Variants in LTBR observed in about 807,000 individuals in gnomAD.
LTBR encodes lymphotoxin beta receptor.
In LTBR, 15 loss-of-function variants were observed where a neutral mutation model predicts 45.4. The ratio of observed to expected loss-of-function variants is 0.33; its 90% confidence interval spans 0.22 to 0.51. The LOEUF is 0.51. LTBR is among the 20% of genes least tolerant of loss of function. The pLI is 0.97. For synonymous variants in LTBR, 228 were observed against 231.0 expected (o/e 0.99, Z 0.12); for missense variants, 450 against 565.5 (o/e 0.80, Z 2.07).
At chr12:6,383,765 T>A (rs752303855), upstream of LTBR, among the ~76,000 whole-genome samples, 49 of 152,188 alleles carry the variant, frequency 3.2e-4, no homozygotes, top group Non-Finnish European at 5.4e-4. Context: ...TTCTCCTCGG[T>A]CTCAGAGCTG....
intron 1 of LTBR, chr12:6,377,520 C>T (rs993663776): frequency 1.4e-6 from 1 of 716,176 alleles, no homozygotes; most frequent in Non-Finnish European, 2.3e-6. Flanking sequence ...GCCTCCCTCA[C>T]TCCCACACAG....
chr12:6,381,912 T>C (rs3759332), upstream of LTBR, among the ~76,000 whole-genome samples: 64,263 of 151,876 alleles, frequency 0.42, 14,032 homozygotes, highest in South Asian at 0.5. Context: ...GCAGAGGTTG[T>C]AGTGAGCCGA....
chr12:6,389,018 T>C, intron 8 of LTBR, 193 bp downstream of exon 8: 1 of 598,176 alleles, frequency 1.7e-6, no homozygotes, highest in Non-Finnish European at 3.0e-6. Flanking sequence ...ACACAGTACC[T>C]CATTTCCTGG....
intron 1 of LTBR, chr12:6,377,283 A>T: frequency 6.5e-7 from 1 of 1,550,292 alleles, no homozygotes; most frequent in Non-Finnish European, 8.7e-7. Flanking sequence ...TCCCCTTGGA[A>T]GGGACAGCTG....
rs1949093271 is a variant in LTBR at position 6,390,053 on chromosome 12, G to A, written c.802-59G>A. On this transcript the variant is annotated intron_variant, in intron 8 of 9. Coordinates refer to ENST00000228918, the MANE Select transcript of LTBR (RefSeq NM_002342.3). The stretch of plus-strand genomic sequence containing the variant: ...GAGAGAAAGAAGAGGGAGGGAGGGA[G>A]AGAGAAAAAAGGGTCTGGGGCCCTC... The A allele has an allele frequency of 4.9e-6, 5 of 1,022,730 alleles. No individual in the cohort carries two copies. In the South Asian group the frequency reaches 5.1e-5, roughly 10 times the overall value. The allele number at this position is 1,022,730 out of a possible 1,614,324, so 63.4% of individuals were successfully genotyped here.
chr12:6,376,200 T>A (rs1157576186), intron 1 of LTBR: 3 of 984,870 alleles, frequency 3.0e-6, no homozygotes, highest in Non-Finnish European at 3.6e-6. Flanking sequence ...CGCACTCAGG[T>A]GGGATGCGTC....
intron 9 of LTBR, 87 bp from the exon 10 acceptor site, chr12:6,390,573 A>C: frequency 7.4e-7 from 1 of 1,356,664 alleles, no homozygotes; most frequent in Non-Finnish European, 1.0e-6. Context: ...GGGCCAGGGG[A>C]AAGGCGAGAA....
At chr12:6,375,956 G>A (rs1389124308) in intron 1 of LTBR, 1 of 1,036,160 alleles carries the variant, frequency 9.7e-7, no homozygotes, top group Non-Finnish European at 1.2e-6. Context: ...CACTGAGTGA[G>A]TAGAGGCAGG....
upstream of LTBR, among the ~76,000 whole-genome samples, chr12:6,383,878 G>A (rs1949007627): frequency 6.6e-6 from 1 of 152,192 alleles, no homozygotes; most frequent in African/African-American, 2.4e-5. Context: ...TGCGCTCTCT[G>A]GAACTCCCTC....
At position 6,385,265 on chromosome 12, in the gene LTBR, C is replaced by A. The variant is rs761530479; in HGVS notation, c.358C>A (p.Arg120=). The change falls in exon 4 of 10, where the codon CGG becomes AGG. Residue 120 remains arginine (R), a synonymous_variant. Coordinates refer to ENST00000228918, the MANE Select transcript of LTBR (RefSeq NM_002342.3). ...GGAGATTGCCCCCTGCACAAGCAAA[C>A]GGAAGACCCAGTGCCGCTGCCAGCC... ...LEEIAPCTSK[R]KTQCRCQPGM... is the part of the protein sequence containing the mutation. 12 of 1,614,098 alleles carry A rather than the reference C, an allele frequency of 7.4e-6. No homozygotes were observed. The highest frequency in any genetic ancestry group is 1.3e-5 in the African/African-American group (1 of 75,052).
chr12:6,388,022 C>A lies in LTBR; in HGVS notation c.668-376C>A, dbSNP rs1949068392. ...TGTCTGTTTACAACTCCAAGTCCCA[C>A]CCTTCCCTACTGTCTCCCAATCCCA... On this transcript the variant is annotated intron_variant, in intron 6 of 9. Coordinates refer to ENST00000228918, the MANE Select transcript of LTBR (RefSeq NM_002342.3). This position sits in a 1 kb window ranked among gnomAD's most constrained non-coding sequence, Gnocchi z 4.3. 2.8e-6 allele frequency: 1 copy of A among 356,762 alleles called. No homozygotes were observed. Among genetic ancestry groups the A allele is most frequent in the Non-Finnish European group, 5.6e-6 (1 of 179,886 alleles). The allele number at this position is 356,762 out of a possible 1,614,324, so 22.1% of individuals were successfully genotyped here.
upstream of LTBR, among the ~76,000 whole-genome samples, chr12:6,382,781 C>T (rs3759333): frequency 0.29 from 43,461 of 152,082 alleles, 6,710 homozygotes; most frequent in East Asian, 0.43. Context: ...AGTGTAAGGA[C>T]GAGTGCTGAA....
chr12:6,375,313 C>A, upstream of LTBR: 3 of 1,439,090 alleles, frequency 2.1e-6, no homozygotes, highest in Non-Finnish European at 2.7e-6. Flanking sequence ...GCCTTGCCCC[C>A]TCTCACTCTA....
chr12:6,375,647 G>A lies in LTBR; in HGVS notation c.39+53G>A, dbSNP rs72645140. ...GAGGAGTCAGAGCCGGGAGTTTTCC[G>A]AAGGAAGGAGGGCTCCCGAGGGCAG... On this transcript the variant is annotated intron_variant, in intron 1 of 9. Transcript: ENST00000539925. 7.1e-5 allele frequency: 105 copies of A among 1,484,542 alleles called. No individual in the cohort carries two copies. In the African/African-American group the frequency reaches 8.3e-4, roughly 12 times the overall value. The allele number at this position is 1,484,542 out of a possible 1,614,324, so 92.0% of individuals were successfully genotyped here.
Position 6,386,491 on chromosome 12 carries a change from G to A in LTBR, c.667+47G>A. The A allele has an allele frequency of 7.0e-7, 1 of 1,423,864 alleles. No homozygotes were observed. Among genetic ancestry groups the A allele is most frequent in the Non-Finnish European group, 9.9e-7 (1 of 1,012,742 alleles). 88.2% of individuals were successfully genotyped at this position (1,423,864 alleles called of 1,614,324 possible). On this transcript the variant is annotated intron_variant, in intron 6 of 9. Transcript: ENST00000228918. The surrounding 1 kb of genome is among the most constrained non-coding windows in gnomAD (Gnocchi z 4.1). ...ACACGGGGGGGGCGCCTCTGAAAATGCCTTAATGCTCCACATCTTAAAAAA... is the reference window on the plus strand; with the variant it reads ...ACACGGGGGGGGCGCCTCTGAAAATACCTTAATGCTCCACATCTTAAAAAA...
chr12:6,385,960 C>T, intron 4 of LTBR, 106 bp from the exon 5 acceptor site: 1 of 750,990 alleles, frequency 1.3e-6, no homozygotes, highest in Non-Finnish European at 2.4e-6. Flanking sequence ...GAGAGCTACG[C>T]AATGGGGTGG....
upstream of LTBR, chr12:6,375,257 G>A (rs558684489): frequency 3.1e-5 from 45 of 1,437,444 alleles, no homozygotes; most frequent in South Asian, 5.7e-4. Context: ...CCTCTTTCTG[G>A]CCTGCCTCCT....
In LTBR at chr12:6,385,162, G is replaced by A; in HGVS notation, c.319+15G>A. ...CTGTGACCCAGGTGAGTGGGGATGT[G>A]CCTGCGGGGGGGCTGGATCCCCTGG... On this transcript the variant is annotated intron_variant, in intron 3 of 9. Transcript: ENST00000228918. 1 of 1,614,194 alleles carries A rather than the reference G, an allele frequency of 6.2e-7. No homozygotes were observed. The highest frequency in any genetic ancestry group is 8.5e-7 in the Non-Finnish European group (1 of 1,180,044).
chr12:6,388,662 G>T lies in LTBR; in HGVS notation c.776-138G>T. 1 of 1,169,184 alleles carries T rather than the reference G, an allele frequency of 8.6e-7. No individual in the cohort carries two copies. The allele number at this position is 1,169,184 out of a possible 1,614,324, so 72.4% of individuals were successfully genotyped here. A position where few individuals can be genotyped will look rare whatever the true frequency, so the allele number is the denominator to read the frequency against. ...CATCCAGCTGCTTATTCTGAGGCTG[G>T]AGATGAGAGTGACAGTGGCTTGTTC... On this transcript the variant is annotated intron_variant, in intron 7 of 9. Coordinates refer to ENST00000228918, the MANE Select transcript of LTBR (RefSeq NM_002342.3). The surrounding 1 kb of genome is among the most constrained non-coding windows in gnomAD (Gnocchi z 4.3).
Sources: gnomAD v4.1 joint callset for allele counts (sites outside exome capture counted in the v4.1 genomes callset) on GRCh38, gnomAD v4.1.1 for gene constraint, Gnocchi (gnomAD v3.1) non-coding constraint, MANE v1.5 for transcripts, NCBI Gene and HGNC (gene_info 2026-07-23, HGNC 2026-07-21) for gene names.